The following GCA variants were observed in gnomAD, a reference collection of about 807,000 sequenced individuals.
GCA encodes the protein grancalcin, EF-hand calcium-binding protein.
In GCA, 30 loss-of-function variants were observed where a neutral mutation model predicts 32.6. The observed-to-expected ratio is 0.92, with a 90% CI of 0.69 to 1.25. The LOEUF (loss-of-function observed/expected upper bound fraction) is 1.25, where lower values mean the gene tolerates loss of function less well. Ranked by LOEUF, GCA falls within the 50% of genes most tolerant of loss-of-function variation. GCA has a pLI of 0.00. For synonymous variants in GCA, 102 were observed against 84.6 expected, an observed-to-expected ratio of 1.21 and a Z score of -1.13; for missense variants, 291 against 266.8, an observed-to-expected ratio of 1.09 and a Z score of -0.63.
chr2:162,344,372 C>T, intron 1 of GCA, 97 bp downstream of exon 1: 3 of 1,174,364 alleles, frequency 2.6e-6, no homozygotes, highest in Non-Finnish European at 2.5e-6. Flanking sequence ...GCTCCTGCTC[C>T]CTGCGTCCGC....
downstream of GCA, among the ~76,000 whole-genome samples, chr2:162,363,665 T>C (rs1488929021): frequency 6.6e-6 from 1 of 151,574 alleles, no homozygotes; most frequent in East Asian, 1.9e-4. Context: ...AAAATATTTC[T>C]GACTCACTAT....
chr2:162,349,638 T>A (rs1684889415), intron 2 of GCA, among the ~76,000 whole-genome samples: 1 of 150,942 alleles, frequency 6.6e-6, no homozygotes, highest in South Asian at 2.1e-4. Context: ...CAGAGAGGAT[T>A]TGGAAAAAGA....
Position 162,356,748 on chromosome 2 carries a change from A to G in GCA, c.307-10A>G. The G allele has an allele frequency of 6.3e-7, 1 of 1,585,092 alleles. No homozygotes were observed. Among genetic ancestry groups the G allele is most frequent in the African/African-American group, 1.4e-5 (1 of 73,776 alleles). On this transcript the variant is annotated splice_polypyrimidine_tract_variant and intron_variant, in intron 4 of 7. Coordinates refer to ENST00000437150, the MANE Select transcript of GCA (RefSeq NM_012198.5). Reference sequence around the variant, plus strand: ...GTATCAGAATTTATTTTTGTTAATAAAACTATCAGAGAGATCACACAGGAA... The same window carrying G: ...GTATCAGAATTTATTTTTGTTAATAGAACTATCAGAGAGATCACACAGGAA...
At chr2:162,354,251 T>C (rs1184185021) in intron 3 of GCA, among the ~76,000 whole-genome samples, 2 of 152,202 alleles carry the variant, frequency 1.3e-5, no homozygotes, top group African/African-American at 4.8e-5. Flanking sequence ...GGCTTCACTG[T>C]ATGGTGATTT....
chr2:162,344,097 A>G, upstream of GCA: 1 of 754,764 alleles, frequency 1.3e-6, no homozygotes, highest in Non-Finnish European at 2.3e-6. Context: ...TGGCCTGCGG[A>G]AGGGGGCGGG....
At position 162,360,226 on chromosome 2, in the gene GCA, G is replaced by T. The variant is rs1365214851; in HGVS notation, c.637G>T (p.Gly213Cys). The T allele has an allele frequency of 1.9e-6, 3 of 1,555,172 alleles. No individual in the cohort carries two copies. Among genetic ancestry groups the T allele is most frequent in the Non-Finnish European group, 2.6e-6 (3 of 1,135,182 alleles). ...ANFIYDDFLQ[G>C]TMAI ...TTCACTTATGTATTAGTTTTTGCAG[G>T]GCACTATGGCAATTTGAATGCTTAG... The change falls in exon 8 of 8, where the codon GGC (glycine) becomes TGC (cysteine). Residue 213 changes from glycine (G) to cysteine (C), a missense_variant. Transcript: ENST00000437150.
At chr2:162,353,026 A>G (rs1685078791) in intron 3 of GCA, among the ~76,000 whole-genome samples, 1 of 152,134 alleles carries the variant, frequency 6.6e-6, no homozygotes, top group African/African-American at 2.4e-5. Context: ...TGTAGCTGTC[A>G]TACTGGGATT....
chr2:162,346,906 C>T (rs182655349), intron 1 of GCA, among the ~76,000 whole-genome samples: 144 of 152,084 alleles, frequency 9.5e-4, no homozygotes, highest in African/African-American at 3.2e-3. Flanking sequence ...TCAGAGAATC[C>T]CACATATATA....
At chr2:162,371,670 G>T, downstream of GCA, 1 of 845,904 alleles carries the variant, frequency 1.2e-6, no homozygotes. Flanking sequence ...TAACTGCTCA[G>T]TTTTACCTTA....
At chr2:162,356,644 T>A in intron 4 of GCA, 114 bp from the exon 5 acceptor site, 1 of 869,182 alleles carries the variant, frequency 1.2e-6, no homozygotes, top group Non-Finnish European at 1.8e-6. Flanking sequence ...TGCAGAAGTC[T>A]GTTCATATAA....
intron 2 of GCA, among the ~76,000 whole-genome samples, chr2:162,349,263 A>G (rs1281467212): frequency 6.6e-6 from 1 of 152,110 alleles, no homozygotes; most frequent in Non-Finnish European, 1.5e-5. Context: ...CTAAAAGTAA[A>G]TGTAAATCTT....
chr2:162,352,401 T>TA lies in GCA; in HGVS notation c.257dup (p.Tyr86Ter). Residue 86 changes from tyrosine (Y) to a stop codon, truncating the protein, a stop_gained and frameshift_variant, in exon 3 of 8, where the codon TAC becomes TAAC. Transcript: ENST00000437150. LOFTEE classifies it high-confidence loss of function. ...CLTQSGINGT[Y>*]SPFSLETCRI... is the part of the protein sequence containing the mutation. Reference sequence around the variant, plus strand: ...GACACAGTCTGGAATTAATGGAACTTACTCTCGTGAGATCTTTTTTCCCCT... The same window carrying TA: ...GACACAGTCTGGAATTAATGGAACTTAACTCTCGTGAGATCTTTTTTCCCCT... The TA allele has an allele frequency of 6.4e-7, 1 of 1,553,686 alleles. No individual in the cohort carries two copies. The highest frequency in any genetic ancestry group is 2.2e-5 in the East Asian group (1 of 44,464).
downstream of GCA, among the ~76,000 whole-genome samples, chr2:162,367,942 A>G (rs150344532): frequency 2.6e-3 from 388 of 152,108 alleles, 1 homozygote; most frequent in African/African-American, 9.0e-3. Flanking sequence ...TCACACAGCT[A>G]TTGATGAAAA....
intron 1 of GCA, among the ~76,000 whole-genome samples, chr2:162,321,379 A>G: frequency 6.6e-6 from 1 of 152,096 alleles, no homozygotes; most frequent in East Asian, 1.9e-4. Flanking sequence ...AGTTTTTAAG[A>G]AGTAGTAACA....
downstream of GCA, chr2:162,371,968 G>A (rs1274532863): frequency 3.7e-6 from 6 of 1,613,756 alleles, no homozygotes; most frequent in Non-Finnish European, 8.5e-7. Context: ...AAGCTCTAAA[G>A]AGAGATCACT....
At position 162,362,738 on chromosome 2, in the gene GCA, A is replaced by G. The variant is rs1488476739; in HGVS notation, c.*2495A>G. Reference sequence around the variant, plus strand: ...TTCACCTATATCTAAAAGACTGCCAAATTATTAAATGTCAGGTATTGCACT... The same window carrying G: ...TTCACCTATATCTAAAAGACTGCCAGATTATTAAATGTCAGGTATTGCACT... On this transcript the variant is annotated 3_prime_UTR_variant, in exon 8 of 8. Coordinates refer to ENST00000437150, the MANE Select transcript of GCA (RefSeq NM_012198.5). 1 of 196,214 alleles carries G rather than the reference A, an allele frequency of 5.1e-6. No individual in the cohort carries two copies. Among genetic ancestry groups the G allele is most frequent in the African/African-American group, 2.4e-5 (1 of 42,204 alleles). The allele number at this position is 196,214 out of a possible 1,614,324, so 12.2% of individuals were successfully genotyped here. A position where few individuals can be genotyped will look rare whatever the true frequency, so the allele number is the denominator to read the frequency against.
At chr2:162,371,676 C>T, downstream of GCA, 2 of 860,614 alleles carry the variant, frequency 2.3e-6, no homozygotes, top group South Asian at 2.1e-5. Context: ...CTCAGTTTTA[C>T]CTTACAAGCT....
chr2:162,329,900 G>C (rs13408284), intron 1 of GCA, among the ~76,000 whole-genome samples: 8,411 of 152,004 alleles, frequency 0.055, 801 homozygotes, highest in African/African-American at 0.19. Flanking sequence ...ATTTAGCTCC[G>C]ACTTATAAGT....
At chr2:162,321,799 C>T (rs1683672990) in intron 1 of GCA, among the ~76,000 whole-genome samples, 1 of 150,688 alleles carries the variant, frequency 6.6e-6, no homozygotes, top group South Asian at 2.1e-4. Context: ...CTCCAGCCCA[C>T]TACGCTTATA....
Sources: gnomAD v4.1 joint callset for allele counts (sites outside exome capture counted in the v4.1 genomes callset) on GRCh38, gnomAD v4.1.1 for gene constraint, MANE v1.5 for transcripts, NCBI Gene and HGNC (gene_info 2026-07-23, HGNC 2026-07-21) for gene names.